The following GRIK3 variants were observed in gnomAD, a reference collection of about 807,000 sequenced individuals.
GRIK3 encodes glutamate ionotropic receptor kainate type subunit 3.
Under a neutral mutation model 102.5 loss-of-function variants are expected in GRIK3, and 29 were observed. The observed-to-expected ratio is 0.28, with a 90% confidence interval of 0.21 to 0.39. The LOEUF (loss-of-function observed/expected upper bound fraction) is 0.39. Ranked by LOEUF, GRIK3 falls within the 10% of genes least tolerant of loss-of-function variation. The pLI, the probability that GRIK3 is intolerant of heterozygous loss-of-function variation, is 1.00. For missense variants in GRIK3, 908 were observed against 1,252.4 expected, an observed-to-expected ratio of 0.73 and a Z score of 4.15; for synonymous variants, 511 against 504.9, an observed-to-expected ratio of 1.01 and a Z score of -0.16.
chr1:36,974,688 C>T (rs1642176715), intron 1 of GRIK3, among the ~76,000 whole-genome samples: 1 of 151,166 alleles, frequency 6.6e-6, no homozygotes, highest in Non-Finnish European at 1.5e-5. Flanking sequence ...TAGTCCGAGC[C>T]AATCGGGAGG....
intron 11 of GRIK3, among the ~76,000 whole-genome samples, chr1:36,824,954 T>A (rs992479743): frequency 5.9e-5 from 9 of 152,134 alleles, no homozygotes; most frequent in Admixed American, 1.3e-4. Flanking sequence ...AGCTGTAAAG[T>A]GCAGAGCACA....
Position 36,801,775 on chromosome 1 carries a change from C to T in GRIK3, c.*76G>A. ...CTGGTCCCCAAGCCCAGTGCGGGGA[C>T]AGGGGACGTTCCTTCCAATCTCCTT... On this transcript the variant is annotated 3_prime_UTR_variant, in exon 16 of 16. Transcript: ENST00000373091. The T allele has an allele frequency of 7.8e-7, 1 of 1,287,662 alleles. No individual in the cohort carries two copies. Among genetic ancestry groups the T allele is most frequent in the Non-Finnish European group, 1.1e-6 (1 of 943,562 alleles). The allele number at this position is 1,287,662 out of a possible 1,614,324, so 79.8% of individuals were successfully genotyped here. A position where few individuals can be genotyped will look rare whatever the true frequency, so the allele number is the denominator to read the frequency against.
intron 1 of GRIK3, among the ~76,000 whole-genome samples, chr1:36,990,986 A>G (rs1159817962): frequency 1.3e-5 from 2 of 152,146 alleles, no homozygotes; most frequent in Non-Finnish European, 2.9e-5. Context: ...ACCCCACCTG[A>G]CCATCCTCAC....
intron 1 of GRIK3, among the ~76,000 whole-genome samples, chr1:36,969,699 A>G (rs1056444408): frequency 5.9e-5 from 9 of 152,258 alleles, no homozygotes; most frequent in African/African-American, 1.9e-4. Context: ...CATAAGCAAC[A>G]GGATAAGTGA....
intron 9 of GRIK3, among the ~76,000 whole-genome samples, chr1:36,844,674 T>C (rs1356295816): frequency 2.0e-5 from 3 of 152,188 alleles, no homozygotes; most frequent in Non-Finnish European, 4.4e-5. Flanking sequence ...ACAAGGTTGT[T>C]GTGAGGATAA....
intron 8 of GRIK3, among the ~76,000 whole-genome samples, chr1:36,851,586 T>A (rs1369731108): frequency 6.6e-6 from 1 of 152,232 alleles, no homozygotes; most frequent in Non-Finnish European, 1.5e-5. Context: ...AGACCCTCAC[T>A]TGAGCTCCAA....
chr1:36,962,233 A>G (rs1642018036), intron 1 of GRIK3, among the ~76,000 whole-genome samples: 2 of 152,062 alleles, frequency 1.3e-5, no homozygotes, highest in Admixed American at 1.3e-4. Flanking sequence ...CTAGATGCAA[A>G]GATCCTTGCA....
intron 1 of GRIK3, among the ~76,000 whole-genome samples, chr1:37,000,016 A>G (rs997980766): frequency 6.6e-6 from 1 of 152,146 alleles, no homozygotes; most frequent in African/African-American, 2.4e-5. Flanking sequence ...AAGAGAACTT[A>G]ATATTACTGA....
chr1:36,846,413 T>G (rs1250988432), intron 9 of GRIK3, among the ~76,000 whole-genome samples: 2 of 152,192 alleles, frequency 1.3e-5, no homozygotes, highest in African/African-American at 4.8e-5. Context: ...ACAGAGCTGC[T>G]GCTTTCTGCC....
intron 5 of GRIK3, among the ~76,000 whole-genome samples, chr1:36,868,322 G>A (rs2124249538): frequency 6.6e-6 from 1 of 152,288 alleles, no homozygotes; most frequent in Admixed American, 6.5e-5. Context: ...AATCCAGAAG[G>A]GATTCAGGGG....
chr1:36,901,810 A>T (rs901493192), intron 1 of GRIK3, among the ~76,000 whole-genome samples: 2 of 152,266 alleles, frequency 1.3e-5, no homozygotes, highest in African/African-American at 4.8e-5. Context: ...ATGATCCCCT[A>T]TGTAGAAAAT....
intron 1 of GRIK3, among the ~76,000 whole-genome samples, chr1:36,955,045 C>T (rs1318488896): frequency 1.3e-5 from 2 of 152,244 alleles, no homozygotes; most frequent in Non-Finnish European, 1.5e-5. Context: ...TAAGTGGTGT[C>T]AGGGTGGTAG....
chr1:37,031,294 T>A (rs1333686320), intron 1 of GRIK3, among the ~76,000 whole-genome samples: 1 of 152,192 alleles, frequency 6.6e-6, no homozygotes, highest in Non-Finnish European at 1.5e-5. Flanking sequence ...GCTCTCTCCC[T>A]CACTCTCTTT....
intron 1 of GRIK3, among the ~76,000 whole-genome samples, chr1:36,908,119 A>C (rs1224738904): frequency 3.3e-5 from 5 of 152,184 alleles, no homozygotes; most frequent in Non-Finnish European, 7.4e-5. Flanking sequence ...GCAGAGGCAC[A>C]TCTCTGCCCA....
intron 1 of GRIK3, among the ~76,000 whole-genome samples, chr1:36,925,407 G>A (rs555361924): frequency 3.9e-5 from 6 of 152,350 alleles, no homozygotes; most frequent in East Asian, 1.9e-4. Flanking sequence ...TCGTGCCCTC[G>A]GAGCCTTTCC....
At chr1:36,984,058 G>A (rs1029911554) in intron 1 of GRIK3, among the ~76,000 whole-genome samples, 10 of 151,934 alleles carry the variant, frequency 6.6e-5, no homozygotes, top group Admixed American at 4.6e-4. Flanking sequence ...GCAACAGCAT[G>A]TTCTTCCACA....
At chr1:36,996,318 C>T (rs1039760958) in intron 1 of GRIK3, among the ~76,000 whole-genome samples, 12 of 152,198 alleles carry the variant, frequency 7.9e-5, no homozygotes, top group Admixed American at 2.0e-4. Flanking sequence ...AATGAGATGA[C>T]GCACATTGAA....
At chr1:36,969,334 G>A (rs1642117272) in intron 1 of GRIK3, among the ~76,000 whole-genome samples, 1 of 152,168 alleles carries the variant, frequency 6.6e-6, no homozygotes, top group Non-Finnish European at 1.5e-5. Flanking sequence ...CGTTTAATAA[G>A]GAGACGGGGC....
chr1:36,855,775 T>C (rs1640644382), intron 7 of GRIK3, among the ~76,000 whole-genome samples: 1 of 152,246 alleles, frequency 6.6e-6, no homozygotes, highest in Non-Finnish European at 1.5e-5. Context: ...ACCAGTCACT[T>C]GGGCCCTGGC....
Sources: gnomAD v4.1 joint callset for allele counts (sites outside exome capture counted in the v4.1 genomes callset) on GRCh38, gnomAD v4.1.1 for gene constraint, MANE v1.5 for transcripts, NCBI Gene and HGNC (gene_info 2026-07-23, HGNC 2026-07-21) for gene names.